The following CADPS2 variants were observed in gnomAD, a reference collection of about 807,000 sequenced individuals.
CADPS2 encodes calcium dependent secretion activator 2.
In CADPS2, 93 loss-of-function variants were observed where a neutral mutation model predicts 172.5. The observed-to-expected ratio is 0.54, with a 90% CI of 0.46 to 0.64. The LOEUF is 0.64. Among genes scored for constraint, CADPS2 ranks in the 30% least tolerant of loss-of-function variants. The probability of loss-of-function intolerance (pLI) is 0.00; values close to 1 mark genes in which losing one functional copy is unlikely to be tolerated. For missense variants in CADPS2, 1,420 were observed against 1,565.9 expected, an observed-to-expected ratio of 0.91 and a Z score of 1.57; for synonymous variants, 546 against 555.2, an observed-to-expected ratio of 0.98 and a Z score of 0.23.
chr7:122,705,620 T>C (rs1221624297), intron 2 of CADPS2, among the ~76,000 whole-genome samples: 2 of 107,510 alleles, frequency 1.9e-5, no homozygotes, highest in African/African-American at 7.7e-5. Context: ...AACATTTATA[T>C]ATATTATATA....
intron 3 of CADPS2, among the ~76,000 whole-genome samples, chr7:122,659,773 C>G (rs2080306748): frequency 6.6e-6 from 1 of 152,034 alleles, no homozygotes; most frequent in Non-Finnish European, 1.5e-5. Context: ...AAAATAACAC[C>G]TTACCTCTAA....
At chr7:122,807,391 G>A (rs1035732521) in intron 1 of CADPS2, among the ~76,000 whole-genome samples, 2 of 152,158 alleles carry the variant, frequency 1.3e-5, no homozygotes, top group African/African-American at 4.8e-5. Context: ...GCCTCAAGTT[G>A]CCTATAATCT....
chr7:122,393,067 A>C, intron 22 of CADPS2, 129 bp downstream of exon 22: 1 of 1,024,796 alleles, frequency 9.8e-7, no homozygotes. Flanking sequence ...AACTCAAATA[A>C]AAAAAAAAAA....
At chr7:122,516,792 A>T (rs2060413134) in intron 8 of CADPS2, among the ~76,000 whole-genome samples, 1 of 152,194 alleles carries the variant, frequency 6.6e-6, no homozygotes. Context: ...TTAATCTTAT[A>T]GTTAATATCT....
intron 2 of CADPS2, among the ~76,000 whole-genome samples, chr7:122,673,506 T>C (rs1365902993): frequency 6.6e-6 from 1 of 152,104 alleles, no homozygotes; most frequent in East Asian, 1.9e-4. Context: ...ATCCTTTAGT[T>C]AGACACAAAA....
intron 3 of CADPS2, among the ~76,000 whole-genome samples, chr7:122,632,967 G>A (rs953035790): frequency 6.6e-6 from 1 of 152,024 alleles, no homozygotes; most frequent in Non-Finnish European, 1.5e-5. Flanking sequence ...TTTCCCCATT[G>A]TTTATTTTTG....
chr7:122,691,995 G>A (rs1205878476), intron 2 of CADPS2, among the ~76,000 whole-genome samples: 1 of 152,164 alleles, frequency 6.6e-6, no homozygotes, highest in Non-Finnish European at 1.5e-5. Flanking sequence ...AGAGACTAGT[G>A]GATTGCCAAG....
chr7:122,475,253 C>G (rs1163652929), intron 12 of CADPS2, among the ~76,000 whole-genome samples: 1 of 152,096 alleles, frequency 6.6e-6, no homozygotes, highest in African/African-American at 2.4e-5. Context: ...GAGTTATTTA[C>G]TAAGTATAGA....
At chr7:122,394,370 T>C (rs1423626317) in intron 20 of CADPS2, among the ~76,000 whole-genome samples, 1 of 152,104 alleles carries the variant, frequency 6.6e-6, no homozygotes, top group East Asian at 1.9e-4. Flanking sequence ...GTTTCACCAT[T>C]AAAAAATAGA....
At chr7:122,432,009 A>T (rs1229743835) in intron 17 of CADPS2, among the ~76,000 whole-genome samples, 1 of 152,208 alleles carries the variant, frequency 6.6e-6, no homozygotes, top group Non-Finnish European at 1.5e-5. Flanking sequence ...CTGGTATATA[A>T]GCATTTTCTC....
chr7:122,388,538 T>G, intron 23 of CADPS2, 45 bp downstream of exon 23: 1 of 1,522,720 alleles, frequency 6.6e-7, no homozygotes, highest in Non-Finnish European at 8.9e-7. Context: ...AGTGATATTT[T>G]TGGGTGCTGG....
At chr7:122,763,885 C>T (rs1036710942) in intron 1 of CADPS2, among the ~76,000 whole-genome samples, 4 of 152,112 alleles carry the variant, frequency 2.6e-5, no homozygotes, top group Non-Finnish European at 5.9e-5. Context: ...ATTTCCAATA[C>T]ACTATTTTAT....
chr7:122,785,896 C>T (rs957004490), intron 1 of CADPS2, among the ~76,000 whole-genome samples: 3 of 152,202 alleles, frequency 2.0e-5, no homozygotes, highest in Non-Finnish European at 2.9e-5. Flanking sequence ...CAAGGGTTCC[C>T]TGAGATCAGT....
At chr7:122,477,040 G>A (rs2056736281) in intron 12 of CADPS2, among the ~76,000 whole-genome samples, 1 of 58,572 alleles carries the variant, frequency 1.7e-5, no homozygotes, top group African/African-American at 9.6e-5. Context: ...GAGGAGAGGA[G>A]AGGAGAGAGA....
In CADPS2 at chr7:122,804,842, C is replaced by T. The variant is rs543758639; in HGVS notation, c.340-67774G>A. 5.3e-5 allele frequency among the ~76,000 whole-genome samples: 8 copies of T among 152,204 alleles called. No individual in the cohort carries two copies. In the East Asian group the frequency reaches 1.5e-3, roughly 29 times the overall value. ...TATGCTGCCTATAGAAATTCTTATC[C>T]TCATTTGTTTGCTATTTCTAATACC... is the stretch of plus-strand genomic sequence containing the variant. On this transcript the variant is annotated intron_variant, in intron 1 of 29. Transcript: ENST00000449022.
At position 122,858,504 on chromosome 7, in the gene CADPS2, T is replaced by C. The variant is rs1207953740; in HGVS notation, c.339+27495A>G. 2.0e-5 allele frequency among the ~76,000 whole-genome samples: 3 copies of C among 152,152 alleles called. No individual in the cohort carries two copies. In the South Asian group the frequency reaches 6.2e-4, roughly 32 times the overall value. On this transcript the variant is annotated intron_variant, in intron 1 of 29. Transcript: ENST00000449022. ...AAACTGTATGACCTTACTCAGATTG[T>C]TTACATTCTCTGAGCAAATACAGAA...
At chr7:122,519,671 T>C (rs1250721922) in intron 8 of CADPS2, among the ~76,000 whole-genome samples, 2 of 151,960 alleles carry the variant, frequency 1.3e-5, no homozygotes, top group Admixed American at 6.6e-5. Flanking sequence ...TTCATTCATC[T>C]ATGACTTAAA....
chr7:122,546,711 C>G (rs988537213), intron 8 of CADPS2, among the ~76,000 whole-genome samples: 2 of 152,164 alleles, frequency 1.3e-5, no homozygotes, highest in Non-Finnish European at 2.9e-5. Context: ...CTTTGGCCCA[C>G]TGCCATGCTC....
At chr7:122,840,429 T>A (rs1474712831) in intron 1 of CADPS2, among the ~76,000 whole-genome samples, 1 of 151,260 alleles carries the variant, frequency 6.6e-6, no homozygotes, top group Non-Finnish European at 1.5e-5. Context: ...AAAGTATAAT[T>A]TAAAAAAAGA....
Sources: gnomAD v4.1 joint callset for allele counts (sites outside exome capture counted in the v4.1 genomes callset) on GRCh38, gnomAD v4.1.1 for gene constraint, MANE v1.5 for transcripts, NCBI Gene and HGNC (gene_info 2026-07-23, HGNC 2026-07-21) for gene names.